Variants in NKAIN2 observed in about 807,000 individuals in gnomAD.
NKAIN2 encodes the protein sodium/potassium-transporting ATPase subunit beta-1-interacting protein 2.
In NKAIN2, 14 loss-of-function variants were observed where a neutral mutation model predicts 32.6. The ratio of observed to expected loss-of-function variants is 0.43; its 90% CI spans 0.28 to 0.67. NKAIN2 has a LOEUF of 0.67. NKAIN2 is among the 30% of genes least tolerant of loss of function. The pLI is 0.17. For synonymous variants in NKAIN2, 80 were observed against 87.2 expected (o/e 0.92, Z 0.46); for missense variants, 198 against 258.3 (o/e 0.77, Z 1.60).
intron 4 of NKAIN2, among the ~76,000 whole-genome samples, chr6:124,735,666 G>A (rs775252160): frequency 1.3e-5 from 2 of 151,676 alleles, no homozygotes; most frequent in African/African-American, 2.4e-5. Context: ...TGTCACATTT[G>A]GGTAGTTCTC....
chr6:124,814,056 C>A (rs1303731018), intron 5 of NKAIN2, among the ~76,000 whole-genome samples: 2 of 152,102 alleles, frequency 1.3e-5, no homozygotes, highest in Non-Finnish European at 2.9e-5. Flanking sequence ...CCCAGTAATT[C>A]AATTTTTGAG....
intron 1 of NKAIN2, among the ~76,000 whole-genome samples, chr6:123,977,768 G>T (rs1302402083): frequency 1.3e-5 from 2 of 152,112 alleles, no homozygotes; most frequent in African/African-American, 4.8e-5. Flanking sequence ...CATAAATTTA[G>T]ACTGTACATC....
chr6:124,665,508 A>T (rs1480754034), intron 4 of NKAIN2, among the ~76,000 whole-genome samples: 1 of 152,230 alleles, frequency 6.6e-6, no homozygotes, highest in Non-Finnish European at 1.5e-5. Flanking sequence ...GTAGTTCTCT[A>T]TACTGGCTGA....
chr6:123,881,659 G>T (rs1459230425), intron 1 of NKAIN2, among the ~76,000 whole-genome samples: 2 of 152,070 alleles, frequency 1.3e-5, no homozygotes, highest in Non-Finnish European at 2.9e-5. Flanking sequence ...TCTATTTGTG[G>T]ATTTCATATA....
rs113008906 is a variant in NKAIN2 at position 124,512,300 on chromosome 6, C to T, written c.274-145886C>T. Among the ~76,000 whole-genome samples the T allele has an allele frequency of 6.8e-3, 1,031 of 152,268 alleles. 8 individuals carry two copies. The highest frequency in any genetic ancestry group is 0.024 in the African/African-American group (982 of 41,544). ...TATTTTATCTCTGCCGGAGGCTCTACTTCTTCCCACCAATTTCCCAAATCC... is the reference window on the plus strand; with the variant it reads ...TATTTTATCTCTGCCGGAGGCTCTATTTCTTCCCACCAATTTCCCAAATCC... On this transcript the variant is annotated intron_variant, in intron 3 of 6. Coordinates refer to ENST00000368417, the MANE Select transcript of NKAIN2 (RefSeq NM_001040214.3).
At chr6:124,582,081 G>T (rs527263108) in intron 3 of NKAIN2, among the ~76,000 whole-genome samples, 25 of 147,092 alleles carry the variant, frequency 1.7e-4, no homozygotes, top group South Asian at 4.4e-4. Flanking sequence ...TGAAAAGTTG[G>T]TTTTTTTTTT....
chr6:124,590,608 A>T (rs144149946), intron 3 of NKAIN2, among the ~76,000 whole-genome samples: 1 of 152,316 alleles, frequency 6.6e-6, no homozygotes, highest in East Asian at 1.9e-4. Flanking sequence ...TGTGGCAAGC[A>T]TCATGGTGGC....
In NKAIN2 at chr6:124,522,675, A is replaced by G. The variant is rs556393144; in HGVS notation, c.274-135511A>G. 4.2e-4 allele frequency among the ~76,000 whole-genome samples: 64 copies of G among 152,234 alleles called. 1 individual carries two copies. The highest frequency in any genetic ancestry group is 1.5e-3 in the African/African-American group (63 of 41,540). ...GATTTTATCTTATATATGAGTTTGC[A>G]TTTCCATAGGACTCTAGAGTTGATC... On this transcript the variant is annotated intron_variant, in intron 3 of 6. Coordinates refer to ENST00000368417, the MANE Select transcript of NKAIN2 (RefSeq NM_001040214.3).
intron 1 of NKAIN2, among the ~76,000 whole-genome samples, chr6:124,143,978 T>C (rs1787266855): frequency 6.6e-6 from 1 of 152,188 alleles, no homozygotes; most frequent in South Asian, 2.1e-4. Flanking sequence ...GTACAGTGTC[T>C]AGCCCTAGAT....
chr6:123,855,549 A>G (rs1338274486), intron 1 of NKAIN2, among the ~76,000 whole-genome samples: 2 of 152,252 alleles, frequency 1.3e-5, no homozygotes, highest in Admixed American at 1.3e-4. Context: ...CATACTTGTC[A>G]GAGCACCATA....
At chr6:124,488,340 A>G (rs188303454) in intron 3 of NKAIN2, among the ~76,000 whole-genome samples, 260 of 152,176 alleles carry the variant, frequency 1.7e-3, no homozygotes, top group African/African-American at 6.0e-3. Context: ...ATTAAGCCAT[A>G]ACCGTATCCA....
chr6:124,768,836 G>A (rs1583828135), intron 4 of NKAIN2, among the ~76,000 whole-genome samples: 1 of 152,080 alleles, frequency 6.6e-6, no homozygotes, highest in East Asian at 1.9e-4. Context: ...CTGTTCCTGT[G>A]TTGTGTTTCT....
chr6:124,271,939 C>A (rs541014632), intron 1 of NKAIN2, among the ~76,000 whole-genome samples: 1 of 152,000 alleles, frequency 6.6e-6, no homozygotes, highest in African/African-American at 2.4e-5. Context: ...GGGTATCTGG[C>A]GGAAGAAATT....
At chr6:123,956,569 A>C (rs1000950440) in intron 1 of NKAIN2, among the ~76,000 whole-genome samples, 8 of 152,332 alleles carry the variant, frequency 5.3e-5, no homozygotes, top group Non-Finnish European at 1.2e-4. Context: ...TCCAACCTCC[A>C]CAACTTTGGA....
At chr6:124,695,581 C>A (rs1191341385) in intron 4 of NKAIN2, among the ~76,000 whole-genome samples, 1 of 152,174 alleles carries the variant, frequency 6.6e-6, no homozygotes, top group Non-Finnish European at 1.5e-5. Flanking sequence ...AATTTTAAGC[C>A]ATGTCTATTT....
chr6:124,541,128 T>C (rs1371679314), intron 3 of NKAIN2, among the ~76,000 whole-genome samples: 2 of 152,006 alleles, frequency 1.3e-5, no homozygotes, highest in Non-Finnish European at 2.9e-5. Context: ...TACACACATA[T>C]ACACACACAC....
chr6:124,392,590 G>C (rs969979362), intron 3 of NKAIN2, among the ~76,000 whole-genome samples: 3 of 152,126 alleles, frequency 2.0e-5, no homozygotes, highest in African/African-American at 7.2e-5. Flanking sequence ...ATGCTAGACT[G>C]TAGCAGTTGC....
intron 1 of NKAIN2, among the ~76,000 whole-genome samples, chr6:124,009,357 C>T (rs1398810721): frequency 2.6e-5 from 4 of 152,128 alleles, no homozygotes; most frequent in Non-Finnish European, 4.4e-5. Flanking sequence ...TGAGCATGAA[C>T]GGTAAGCAGT....
intron 1 of NKAIN2, among the ~76,000 whole-genome samples, chr6:123,965,347 G>A (rs888147211): frequency 2.0e-5 from 3 of 152,146 alleles, no homozygotes; most frequent in African/African-American, 2.4e-5. Flanking sequence ...GATTAGAAAT[G>A]TTCTTAGAGC....
Sources: gnomAD v4.1 joint callset for allele counts (sites outside exome capture counted in the v4.1 genomes callset) on GRCh38, gnomAD v4.1.1 for gene constraint, MANE v1.5 for transcripts, NCBI Gene and HGNC (gene_info 2026-07-23, HGNC 2026-07-21) for gene names.